Variants in TTC27 observed in about 807,000 individuals in gnomAD.
TTC27 encodes the protein tetratricopeptide repeat protein 27.
A neutral mutation model predicts 115.9 loss-of-function variants in TTC27; 79 were observed. The ratio of observed to expected loss-of-function variants is 0.68; its 90% CI spans 0.57 to 0.82. The LOEUF (loss-of-function observed/expected upper bound fraction) is 0.82. Among genes scored for constraint, TTC27 ranks in the 40% least tolerant of loss-of-function variants. The probability of loss-of-function intolerance (pLI) is 0.00; values close to 1 mark genes in which losing one functional copy is unlikely to be tolerated. For missense variants in TTC27, 1,054 were observed against 993.1 expected, an observed-to-expected ratio of 1.06 and a Z score of -0.82; for synonymous variants, 401 against 356.0, an observed-to-expected ratio of 1.13 and a Z score of -1.42.
chr2:32,631,247 G>C (rs1664193579), intron 2 of TTC27, among the ~76,000 whole-genome samples: 1 of 152,054 alleles, frequency 6.6e-6, no homozygotes, highest in Admixed American at 6.5e-5. Context: ...AGGTTGTAGT[G>C]AGCCAATATC....
At chr2:32,681,256 G>A (rs544615676) in intron 9 of TTC27, among the ~76,000 whole-genome samples, 1 of 152,258 alleles carries the variant, frequency 6.6e-6, no homozygotes, top group South Asian at 2.1e-4. Context: ...ACTTTTAAGA[G>A]CCCCACACAT....
chr2:32,798,556 T>G (rs1670797631), intron 16 of TTC27, among the ~76,000 whole-genome samples: 1 of 147,504 alleles, frequency 6.8e-6, no homozygotes, highest in Non-Finnish European at 1.5e-5. Context: ...ACAACAAAAA[T>G]TAGCCAGGCG....
intron 12 of TTC27, among the ~76,000 whole-genome samples, chr2:32,755,390 G>A (rs946008415): frequency 8.5e-5 from 13 of 152,196 alleles, no homozygotes; most frequent in Admixed American, 2.6e-4. Flanking sequence ...AGACCAGCCC[G>A]GCCAACACAG....
Position 32,722,559 on chromosome 2 carries a change from T to C in TTC27, c.1234-11269T>C, listed in dbSNP as rs577785507. Among the ~76,000 whole-genome samples, 4 of 152,336 alleles carry C rather than the reference T, an allele frequency of 2.6e-5. No homozygotes were observed. In the South Asian group the frequency reaches 8.3e-4, roughly 32 times the overall value. ...TTTAAATTACTTACCCAAGGTCTCA[T>C]AGCTGAACTAGAGTTCACCCCAGGT... On this transcript the variant is annotated intron_variant, in intron 10 of 19. Coordinates refer to ENST00000317907, the MANE Select transcript of TTC27 (RefSeq NM_017735.5).
intron 13 of TTC27, among the ~76,000 whole-genome samples, chr2:32,763,367 A>T (rs904491208): frequency 2.6e-5 from 4 of 152,236 alleles, no homozygotes; most frequent in African/African-American, 9.6e-5. Flanking sequence ...GAAACATGGA[A>T]TTTAAAAAAA....
At chr2:32,650,600 A>T (rs1665081454) in intron 5 of TTC27, among the ~76,000 whole-genome samples, 1 of 151,646 alleles carries the variant, frequency 6.6e-6, no homozygotes. Context: ...TTCTTTTTTT[A>T]AAAAAAGTCC....
At chr2:32,718,190 A>G (rs1249118093) in intron 10 of TTC27, among the ~76,000 whole-genome samples, 1 of 152,156 alleles carries the variant, frequency 6.6e-6, no homozygotes, top group African/African-American at 2.4e-5. Flanking sequence ...TCATTCTTTA[A>G]AAGACTTCTT....
At chr2:32,674,502 T>C (rs1448838109) in intron 8 of TTC27, among the ~76,000 whole-genome samples, 1 of 152,180 alleles carries the variant, frequency 6.6e-6, no homozygotes, top group Non-Finnish European at 1.5e-5. Flanking sequence ...GTTCACCTTA[T>C]AGCATTTTAC....
chr2:32,646,844 T>G (rs1664883609), intron 4 of TTC27, among the ~76,000 whole-genome samples: 1 of 152,126 alleles, frequency 6.6e-6, no homozygotes. Context: ...ATTACAGGCA[T>G]GAGCCACCGC....
At chr2:32,728,411 C>G (rs1668183711) in intron 10 of TTC27, among the ~76,000 whole-genome samples, 1 of 152,030 alleles carries the variant, frequency 6.6e-6, no homozygotes, top group Non-Finnish European at 1.5e-5. Context: ...TCCCATCTCC[C>G]ATTAGTAGAC....
chr2:32,662,395 T>C (rs1390349662), intron 5 of TTC27, among the ~76,000 whole-genome samples: 1 of 152,172 alleles, frequency 6.6e-6, no homozygotes, highest in Non-Finnish European at 1.5e-5. Context: ...ATCTGTCTGG[T>C]CCTGGGCTTT....
chr2:32,675,673 A>G (rs1045062905), intron 8 of TTC27, among the ~76,000 whole-genome samples: 3 of 152,088 alleles, frequency 2.0e-5, no homozygotes, highest in Admixed American at 2.0e-4. Context: ...TGATTTTCTT[A>G]TATTGGCTGA....
chr2:32,738,626 T>C (rs947952083), intron 12 of TTC27, among the ~76,000 whole-genome samples: 3 of 152,348 alleles, frequency 2.0e-5, no homozygotes, highest in East Asian at 1.9e-4. Flanking sequence ...TTGTGTTTAA[T>C]TGCCATTTAA....
At chr2:32,708,647 C>T (rs1320518024) in intron 10 of TTC27, among the ~76,000 whole-genome samples, 2 of 150,758 alleles carry the variant, frequency 1.3e-5, no homozygotes, top group Non-Finnish European at 2.9e-5. Context: ...TGTAAGAATG[C>T]AGTATATTAA....
chr2:32,677,604 C>T (rs1203121465), intron 8 of TTC27, among the ~76,000 whole-genome samples: 1 of 152,088 alleles, frequency 6.6e-6, no homozygotes, highest in East Asian at 1.9e-4. Context: ...CGTGCGCCAC[C>T]ACCCCCAGTT....
Position 32,733,886 on chromosome 2 carries a change from T to C in TTC27, c.1292T>C (p.Phe431Ser). The change falls in exon 11 of 20, where the codon TTC becomes TCC. Residue 431 changes from phenylalanine to serine, a missense_variant. By Grantham distance (155) the Phe-to-Ser change is radical. Transcript: ENST00000317907. The part of the protein sequence containing the change: ...TTSVLERLKI[F>S]YCCQVPPHWA... Reference sequence around the variant, plus strand: ...TCTGTATTGGAACGCCTGAAGATTTTCTATTGCTGTCAAGTACCACCTCAC... The same window carrying C: ...TCTGTATTGGAACGCCTGAAGATTTCCTATTGCTGTCAAGTACCACCTCAC... 1 of 1,612,480 alleles carries C rather than the reference T, an allele frequency of 6.2e-7. No homozygotes were observed. The highest frequency in any genetic ancestry group is 1.1e-5 in the South Asian group (1 of 90,862).
At chr2:32,693,442 C>A (rs994617301) in intron 9 of TTC27, among the ~76,000 whole-genome samples, 1 of 152,200 alleles carries the variant, frequency 6.6e-6, no homozygotes, top group Non-Finnish European at 1.5e-5. Flanking sequence ...TGTGTTTTAA[C>A]AAGCTCTTGA....
intron 10 of TTC27, among the ~76,000 whole-genome samples, chr2:32,728,891 A>G (rs914811848): frequency 4.6e-5 from 7 of 152,176 alleles, no homozygotes; most frequent in African/African-American, 1.7e-4. Context: ...TGACTAGTCT[A>G]TTTGTAAATT....
At chr2:32,644,314 G>A (rs929308001) in intron 4 of TTC27, among the ~76,000 whole-genome samples, 10 of 150,352 alleles carry the variant, frequency 6.7e-5, no homozygotes, top group Non-Finnish European at 1.0e-4. Context: ...ATCGCGCACC[G>A]CACTCCAGCC....
Sources: allele counts gnomAD v4.1 joint callset (sites outside exome capture counted in the v4.1 genomes callset), GRCh38; gene constraint gnomAD v4.1.1; transcripts MANE v1.5; gene names NCBI Gene and HGNC (gene_info 2026-07-23, HGNC 2026-07-21).